The following DLG2 variants were observed in gnomAD, a reference collection of about 807,000 sequenced individuals.
DLG2 encodes disks large homolog 2.
Under a neutral mutation model 132.5 loss-of-function variants are expected in DLG2, and 45 were observed. The ratio of observed to expected loss-of-function variants is 0.34; its 90% confidence interval spans 0.27 to 0.44. The LOEUF (loss-of-function observed/expected upper bound fraction) is 0.44, where lower values mean the gene tolerates loss of function less well. Ranked by LOEUF, DLG2 falls within the 20% of genes least tolerant of loss-of-function variation. The pLI is 1.00. For missense variants in DLG2, 1,045 were observed against 1,196.9 expected (o/e 0.87, Z 1.87); for synonymous variants, 424 against 419.6 (o/e 1.01, Z -0.13).
chr11:84,300,058 C>T (rs1204824112), intron 7 of DLG2, among the ~76,000 whole-genome samples: 2 of 152,104 alleles, frequency 1.3e-5, no homozygotes, highest in African/African-American at 4.8e-5. Context: ...TGGAGGCTGC[C>T]TACATTTTAA....
At chr11:83,952,144 G>A (rs932750072) in intron 14 of DLG2, among the ~76,000 whole-genome samples, 12 of 152,072 alleles carry the variant, frequency 7.9e-5, no homozygotes, top group African/African-American at 2.7e-4. Context: ...TTGGGAGTTC[G>A]AGACTAGCCT....
intron 6 of DLG2, among the ~76,000 whole-genome samples, chr11:84,587,305 T>C (rs1318992832): frequency 6.6e-6 from 1 of 152,222 alleles, no homozygotes; most frequent in Non-Finnish European, 1.5e-5. Context: ...TTTCTCTCCC[T>C]CATAGGTATT....
At chr11:85,415,581 G>T (rs555311467) in intron 3 of DLG2, among the ~76,000 whole-genome samples, 2 of 152,082 alleles carry the variant, frequency 1.3e-5, no homozygotes, top group Non-Finnish European at 2.9e-5. Flanking sequence ...TTCTCATTGC[G>T]ATTTTGATTT....
At chr11:83,768,123 C>T (rs2094219384) in intron 18 of DLG2, among the ~76,000 whole-genome samples, 1 of 152,178 alleles carries the variant, frequency 6.6e-6, no homozygotes, top group Admixed American at 6.5e-5. Context: ...ACTCATCCTT[C>T]TTAGCCTTTT....
At chr11:84,655,454 A>G (rs749718121) in intron 6 of DLG2, among the ~76,000 whole-genome samples, 2 of 152,210 alleles carry the variant, frequency 1.3e-5, no homozygotes, top group African/African-American at 2.4e-5. Flanking sequence ...GTGATTTACT[A>G]GAGAACAGAG....
chr11:84,297,081 G>A (rs780789589), intron 7 of DLG2, among the ~76,000 whole-genome samples: 56 of 148,674 alleles, frequency 3.8e-4, no homozygotes, highest in Non-Finnish European at 5.6e-4. Flanking sequence ...AATTATAATT[G>A]ACTTCATAAG....
intron 6 of DLG2, among the ~76,000 whole-genome samples, chr11:84,692,036 A>G (rs900526181): frequency 6.6e-6 from 1 of 151,666 alleles, no homozygotes; most frequent in Non-Finnish European, 1.5e-5. Context: ...ATAGACTTCT[A>G]TTAGTACTTA....
At chr11:83,857,105 G>A (rs549978345) in intron 16 of DLG2, among the ~76,000 whole-genome samples, 4 of 152,014 alleles carry the variant, frequency 2.6e-5, no homozygotes, top group Non-Finnish European at 5.9e-5. Flanking sequence ...GCTTATTTTT[G>A]TCAGGTTTGT....
chr11:84,501,875 A>AT (rs916148406), intron 7 of DLG2, among the ~76,000 whole-genome samples: 8 of 151,428 alleles, frequency 5.3e-5, no homozygotes, highest in East Asian at 1.9e-4. Flanking sequence ...AGGGTAGAGG[A>AT]TTTTTTTTTA....
chr11:85,056,357 A>G lies in DLG2; in HGVS notation c.357+55304T>C, dbSNP rs556964716. On this transcript the variant is annotated intron_variant, in intron 6 of 27. Coordinates refer to ENST00000376104, the MANE Select transcript of DLG2 (RefSeq NM_001142699.3). The stretch of plus-strand genomic sequence containing the variant: ...TCAATGAAAATTCAAAAACTAAAAA[A>G]TTCAATAAGTGAAATTCAGAATTCA... Among the ~76,000 whole-genome samples, 48 of 152,228 alleles carry G rather than the reference A, an allele frequency of 3.2e-4. No individual in the cohort carries two copies. In the South Asian group the frequency reaches 8.7e-3, roughly 28 times the overall value.
intron 6 of DLG2, chr11:84,923,041 T>C (rs781168714): frequency 5.0e-6 from 8 of 1,613,048 alleles, no homozygotes; most frequent in South Asian, 1.1e-5. Context: ...GTTTAACATG[T>C]ATATTGTGCC....
At chr11:83,720,294 GAAAAAAAAAAAA>G (rs10573464) in intron 18 of DLG2, among the ~76,000 whole-genome samples, 52 of 27,304 alleles carry the variant, frequency 1.9e-3, no homozygotes, top group South Asian at 6.2e-3. Flanking sequence ...CTCCATCTCA[GAAAAAAAAAAAA>G]AAAAAAAAAA....
chr11:84,600,156 G>GA, intron 6 of DLG2, among the ~76,000 whole-genome samples: 1 of 90,802 alleles, frequency 1.1e-5, no homozygotes, highest in Non-Finnish European at 2.2e-5. Flanking sequence ...AAGAAAGAAA[G>GA]AAGGAAAGAA....
intron 6 of DLG2, among the ~76,000 whole-genome samples, chr11:84,977,592 A>ATAG (rs1193787874): frequency 2.0e-5 from 3 of 152,188 alleles, no homozygotes; most frequent in Non-Finnish European, 4.4e-5. Context: ...TAAGTGATGA[A>ATAG]AAACTAAAAT....
chr11:83,974,033 G>T (rs1231339172), intron 12 of DLG2, among the ~76,000 whole-genome samples: 1 of 151,966 alleles, frequency 6.6e-6, no homozygotes, highest in Non-Finnish European at 1.5e-5. Context: ...TCAAAGATGG[G>T]GGTTAAGAAT....
chr11:85,195,927 T>C (rs555771455), intron 4 of DLG2, among the ~76,000 whole-genome samples: 8 of 152,328 alleles, frequency 5.3e-5, no homozygotes, highest in African/African-American at 1.7e-4. Flanking sequence ...ATACTTTGGT[T>C]TTATGGCAAA....
chr11:85,301,239 G>A (rs2079566730), intron 3 of DLG2, among the ~76,000 whole-genome samples: 1 of 151,998 alleles, frequency 6.6e-6, no homozygotes, highest in Non-Finnish European at 1.5e-5. Context: ...CATTAGAGAA[G>A]GACAAAGAGA....
intron 19 of DLG2, among the ~76,000 whole-genome samples, chr11:83,606,242 A>G (rs1318047890): frequency 5.9e-5 from 9 of 152,238 alleles, no homozygotes; most frequent in African/African-American, 7.2e-5. Flanking sequence ...ATATGCTAAT[A>G]TATGCTAACA....
chr11:83,687,043 G>A (rs1247192668), intron 18 of DLG2, among the ~76,000 whole-genome samples: 1 of 152,200 alleles, frequency 6.6e-6, no homozygotes, highest in Non-Finnish European at 1.5e-5. Context: ...CAGGGAGAAT[G>A]TTTTGTGGAG....
Sources: allele counts gnomAD v4.1 joint callset (sites outside exome capture counted in the v4.1 genomes callset), GRCh38; gene constraint gnomAD v4.1.1; transcripts MANE v1.5; gene names NCBI Gene and HGNC (gene_info 2026-07-23, HGNC 2026-07-21).